Variants in ADGRF5 observed in about 807,000 individuals in gnomAD.
ADGRF5 encodes the protein adhesion G protein-coupled receptor F5.
In ADGRF5, 75 loss-of-function variants were observed where a neutral mutation model predicts 132.3. The observed-to-expected ratio is 0.57, with a 90% CI of 0.47 to 0.69. The LOEUF (loss-of-function observed/expected upper bound fraction) is 0.69. Among genes scored for constraint, ADGRF5 ranks in the 30% least tolerant of loss-of-function variants. The pLI is 0.00. For missense variants in ADGRF5, 1,516 were observed against 1,630.6 expected, an observed-to-expected ratio of 0.93 and a Z score of 1.21; for synonymous variants, 629 against 597.6, an observed-to-expected ratio of 1.05 and a Z score of -0.77.
chr6:46,876,617 TG>T (rs1162576529), intron 10 of ADGRF5, among the ~76,000 whole-genome samples: 1 of 152,230 alleles, frequency 6.6e-6, no homozygotes, highest in Non-Finnish European at 1.5e-5. Flanking sequence ...TTGTTGTTGT[TG>T]TTTGAGACAG....
chr6:46,954,608 A>G (rs759381256), intron 1 of ADGRF5: 1 of 152,156 alleles, frequency 6.6e-6, no homozygotes, highest in Non-Finnish European at 1.5e-5. Context: ...AAATCAGTAA[A>G]TCTCCACAAG....
rs919074870 is a variant in ADGRF5, at chr6:46,947,960, A to T, written c.-25+6774T>A. Among the ~76,000 whole-genome samples the T allele has an allele frequency of 1.6e-4, 25 of 152,246 alleles. 1 individual carries two copies. The highest frequency in any genetic ancestry group is 1.5e-3 in the South Asian group (7 of 4,806). ...GCAGGGGTGGTGATGGGGCTGTGGA[A>T]TGCAGATCACAGACTCAACACCGGA... On this transcript the variant is annotated intron_variant, in intron 1 of 20. Coordinates refer to the ADGRF5 transcript ENST00000265417.
chr6:46,874,515 GGATGTTTAGTTGAGA>G, intron 10 of ADGRF5, among the ~76,000 whole-genome samples: 1 of 152,300 alleles, frequency 6.6e-6, no homozygotes, highest in South Asian at 2.1e-4. Flanking sequence ...ATTAAAGGAG[GGATGTTTAGTTGAGA>G]GATTAGGGAA....
chr6:46,855,710 C>T (rs768725584), intron 20 of ADGRF5, among the ~76,000 whole-genome samples: 66 of 152,166 alleles, frequency 4.3e-4, no homozygotes, highest in Non-Finnish European at 4.7e-4. Context: ...GATATTTTGA[C>T]AGATAGCTCT....
chr6:46,864,644 C>G (rs1038981143), intron 14 of ADGRF5, among the ~76,000 whole-genome samples: 1 of 152,022 alleles, frequency 6.6e-6, no homozygotes, highest in Admixed American at 6.5e-5. Flanking sequence ...TCCGCCTCAG[C>G]CTCCCGAGCA....
At chr6:46,916,666 G>A (rs1205659288) in intron 1 of ADGRF5, among the ~76,000 whole-genome samples, 1 of 152,074 alleles carries the variant, frequency 6.6e-6, no homozygotes, top group African/African-American at 2.4e-5. Flanking sequence ...ACAACAGCAG[G>A]GAATTTATTT....
intron 10 of ADGRF5, among the ~76,000 whole-genome samples, chr6:46,876,054 G>T (rs2150822174): frequency 6.6e-6 from 1 of 152,310 alleles, no homozygotes; most frequent in East Asian, 1.9e-4. Flanking sequence ...AGTTCCAAAT[G>T]CTTTGGGTAA....
chr6:46,853,981 T>A lies in ADGRF5; in HGVS notation c.*11A>T, dbSNP rs778381574. The A allele has an allele frequency of 6.3e-7, 1 of 1,588,040 alleles. No homozygotes were observed. The highest frequency in any genetic ancestry group is 8.6e-7 in the Non-Finnish European group (1 of 1,163,900). On this transcript the variant is annotated 3_prime_UTR_variant, in exon 21 of 21. Transcript: ENST00000283296. ...TCCCCGGGAGGTCACGTAGGTTGGA[T>A]TATCCTGTTCTTAGTTGAGCAACGA...
At position 46,852,715 on chromosome 6, in the gene ADGRF5, A is replaced by G. The variant is rs1768624212; in HGVS notation, c.*1277T>C. On this transcript the variant is annotated 3_prime_UTR_variant, in exon 21 of 21. Transcript: ENST00000283296. The stretch of plus-strand genomic sequence containing the variant: ...CTCTGCCATTTGTTCAACAAGGTCA[A>G]GTGTCATTAGGAGCACAGAACAACC... The G allele has an allele frequency of 6.6e-6, 1 of 152,232 alleles. No homozygotes were observed. The highest frequency in any genetic ancestry group is 1.5e-5 in the Non-Finnish European group (1 of 68,044). 9.4% of individuals were successfully genotyped at this position (152,232 alleles called of 1,614,324 possible).
chr6:46,861,484 C>T (rs514240), intron 15 of ADGRF5, among the ~76,000 whole-genome samples: 127,253 of 152,222 alleles, frequency 0.84, 54,996 homozygotes, highest in East Asian at 0.99. Context: ...CTGTCTTCTA[C>T]GAAAAGCATT....
chr6:46,891,461 A>G (rs1025549930), intron 3 of ADGRF5, among the ~76,000 whole-genome samples: 5 of 152,162 alleles, frequency 3.3e-5, no homozygotes, highest in Non-Finnish European at 5.9e-5. Context: ...AGGGTTCACT[A>G]CCTCCAGGAT....
At chr6:46,921,277 T>C (rs527880512) in intron 1 of ADGRF5, among the ~76,000 whole-genome samples, 59 of 152,354 alleles carry the variant, frequency 3.9e-4, no homozygotes, top group Middle Eastern at 3.4e-3. Context: ...CTCCTCCTGC[T>C]ACTGGGATGC....
chr6:46,884,266 T>C lies in ADGRF5; in HGVS notation c.334A>G (p.Arg112Gly), dbSNP rs759644805. ...ILSINVTTVCRPAGNEIWCSC... is the reference protein window; with the variant it reads ...ILSINVTTVCGPAGNEIWCSC... ...CACCAGATTTCATTTCCAGCAGGTC[T>C]GCAGACTATCGTTAATCAGAACAGC... Residue 112 changes from arginine to glycine, a missense_variant, in exon 5 of 21, where the codon AGA becomes GGA. Physicochemically the swap from Arg to Gly is moderately radical, Grantham distance 125. Transcript: ENST00000283296. 1.2e-6 allele frequency: 2 copies of C among 1,612,932 alleles called. No homozygotes were observed. Among genetic ancestry groups the C allele is most frequent in the African/African-American group, 1.3e-5 (1 of 75,034 alleles).
chr6:46,910,856 A>G (rs113097037), intron 1 of ADGRF5, among the ~76,000 whole-genome samples: 63 of 152,322 alleles, frequency 4.1e-4, no homozygotes, highest in Middle Eastern at 3.4e-3. Flanking sequence ...TCTTATCAGT[A>G]AATCCAGGGA....
chr6:46,889,427 G>T lies in ADGRF5; in HGVS notation c.158-922C>A, dbSNP rs1028676493. Among the ~76,000 whole-genome samples the T allele has an allele frequency of 1.2e-4, 17 of 146,166 alleles. No homozygotes were observed. In the South Asian group the frequency reaches 3.6e-3, roughly 31 times the overall value. ...GTATATATACTACATAAAGTATAAA[G>T]ACTATAGTCTTTATATAGTATATAT... On this transcript the variant is annotated intron_variant, in intron 3 of 20. Coordinates refer to ENST00000283296, the MANE Select transcript of ADGRF5 (RefSeq NM_001098518.2).
chr6:46,863,283 C>G (rs1464989547), intron 14 of ADGRF5, 187 bp from the exon 15 acceptor site: 1 of 684,922 alleles, frequency 1.5e-6, no homozygotes, highest in Non-Finnish European at 2.7e-6. Flanking sequence ...CTGCTTTCCA[C>G]ATGAACCTGA....
chr6:46,874,057 T>C (rs1318738249), intron 10 of ADGRF5, among the ~76,000 whole-genome samples: 1 of 152,226 alleles, frequency 6.6e-6, no homozygotes, highest in East Asian at 1.9e-4. Context: ...GCCCCTGCAA[T>C]CTATTGGCTA....
Position 46,884,193 on chromosome 6 carries a change from T to C in ADGRF5, c.407A>G (p.Asn136Ser). The C allele has an allele frequency of 1.9e-6, 3 of 1,614,044 alleles. No individual in the cohort carries two copies. Among genetic ancestry groups the C allele is most frequent in the East Asian group, 2.2e-5 (1 of 44,866 alleles). The part of the protein sequence containing the change: ...YGWPRERCLH[N>S]LICQERDVFL... The stretch of plus-strand genomic sequence containing the variant: ...GACGTCACGCTCTTGACAAATGAGA[T>C]TGTGAAGACACCTTTCCCGAGGCCA... The change falls in exon 5 of 21, where the codon AAT becomes AGT. Residue 136 changes from asparagine (N) to serine (S), a missense_variant. By Grantham distance (46) the Asn-to-Ser change is conservative. This residue lies in a region of ADGRF5 where 945 missense variants were observed against 929.4 expected (regional missense o/e 1.02). Transcript: ENST00000283296.
intron 1 of ADGRF5, among the ~76,000 whole-genome samples, chr6:46,948,838 T>G (rs1778394303): frequency 6.6e-6 from 1 of 152,088 alleles, no homozygotes. Context: ...CCAACCGAGG[T>G]GATGACAGGT....
Sources: allele counts gnomAD v4.1 joint callset (sites outside exome capture counted in the v4.1 genomes callset), GRCh38; gene constraint gnomAD v4.1.1; regional missense constraint gnomAD v4.1.1; transcripts MANE v1.5; gene names NCBI Gene and HGNC (gene_info 2026-07-23, HGNC 2026-07-21).